PRDM6: variants seen among roughly 807,000 people sequenced by gnomAD.
The protein encoded by PRDM6 is putative histone-lysine N-methyltransferase PRDM6.
In PRDM6, 25 loss-of-function variants were observed where a neutral mutation model predicts 60.8. That is an observed-to-expected ratio of 0.41 (90% CI 0.30 to 0.57). The LOEUF is 0.57. PRDM6 is among the 20% of genes least tolerant of loss of function. The pLI is 0.27. For missense variants in PRDM6, 839 were observed against 821.3 expected, an observed-to-expected ratio of 1.02 and a Z score of -0.26; for synonymous variants, 407 against 357.4, an observed-to-expected ratio of 1.14 and a Z score of -1.57.
chr5:123,193,071 CTT>C lies in PRDM6; in HGVS notation c.*5872_*5873del, dbSNP rs570121164. 1.2e-3 allele frequency: 184 copies of C among 152,310 alleles called. 1 individual carries two copies. Among genetic ancestry groups the C allele is most frequent in the African/African-American group, 4.3e-3 (177 of 41,562 alleles). The allele number at this position is 152,310 out of a possible 1,614,324, so 9.4% of individuals were successfully genotyped here. A position where few individuals can be genotyped will look rare whatever the true frequency, so the allele number is the denominator to read the frequency against. ...ATCATGAACTGGCTTTATTACAACT[CTT>C]TACCGTGGTTTATTGAAACCACAAT... On this transcript the variant is annotated 3_prime_UTR_variant, in exon 8 of 8. Transcript: ENST00000407847.
In PRDM6 at chr5:123,155,933, C is replaced by T. The variant is rs1248301973; in HGVS notation, c.950C>T (p.Pro317Leu). Reference protein sequence around the residue: ...TLQHFIDGGEPSKSSWMRYIR... With the variant: ...TLQHFIDGGELSKSSWMRYIR... ...CAGCACTTTATTGATGGTGGGGAAC[C>T]TAGTAAGTCGAGCTGGATGAGGTAT... Residue 317 changes from proline to leucine, a missense_variant, in exon 4 of 8, where the codon CCT (proline) becomes CTT (leucine). Coordinates refer to ENST00000407847, the MANE Select transcript of PRDM6 (RefSeq NM_001136239.4). 1.9e-5 allele frequency: 30 copies of T among 1,551,472 alleles called. No homozygotes were observed. Among genetic ancestry groups the T allele is most frequent in the Non-Finnish European group, 2.4e-5 (28 of 1,146,914 alleles).
intron 3 of PRDM6, among the ~76,000 whole-genome samples, chr5:123,112,160 C>T (rs952236872): frequency 1.3e-5 from 2 of 151,290 alleles, no homozygotes; most frequent in African/African-American, 4.9e-5. Context: ...GGTGTACTTC[C>T]AGAGGAAGTG....
At position 123,142,784 on chromosome 5, in the gene PRDM6, T is replaced by C. The variant is rs142600223; in HGVS notation, c.901-13100T>C. Reference sequence around the variant, plus strand: ...AGGATTCTATTTCAGTTTGCTTTTCTAGCGATCCTGAAAATGTGGTCAGGG... The same window carrying C: ...AGGATTCTATTTCAGTTTGCTTTTCCAGCGATCCTGAAAATGTGGTCAGGG... On this transcript the variant is annotated intron_variant, in intron 3 of 7. Coordinates refer to ENST00000407847, the MANE Select transcript of PRDM6 (RefSeq NM_001136239.4). Among the ~76,000 whole-genome samples, 1,346 of 150,038 alleles carry C rather than the reference T, an allele frequency of 9.0e-3. 26 individuals carry two copies. The highest frequency in any genetic ancestry group is 0.031 in the African/African-American group (1,280 of 40,766).
intron 2 of PRDM6, among the ~76,000 whole-genome samples, chr5:123,092,236 T>C (rs577318042): frequency 6.6e-6 from 1 of 152,364 alleles, no homozygotes; most frequent in South Asian, 2.1e-4. Flanking sequence ...ATGTGTGTTT[T>C]TGAAGCAAGT....
At chr5:123,128,187 G>A (rs898629994) in intron 3 of PRDM6, among the ~76,000 whole-genome samples, 1 of 152,188 alleles carries the variant, frequency 6.6e-6, no homozygotes, top group Non-Finnish European at 1.5e-5. Flanking sequence ...ATTTGGGTTG[G>A]TTCCAAGTCT....
In PRDM6 at chr5:123,169,246, G is replaced by A. The variant is rs547630267; in HGVS notation, c.1154-1520G>A. Among the ~76,000 whole-genome samples the A allele has an allele frequency of 4.6e-5, 7 of 152,194 alleles. No homozygotes were observed. In the South Asian group the frequency reaches 8.3e-4, roughly 18 times the overall value. ...AAAGAAGAATTTTTAAGCCTATTAG[G>A]TTCTAATCACTTCTGGACCTATGAA... is the stretch of plus-strand genomic sequence containing the variant. On this transcript the variant is annotated intron_variant, in intron 5 of 7. Transcript: ENST00000407847.
chr5:123,148,703 A>G (rs2126867325), intron 3 of PRDM6, among the ~76,000 whole-genome samples: 1 of 152,286 alleles, frequency 6.6e-6, no homozygotes, highest in South Asian at 2.1e-4. Flanking sequence ...TTTTAATAAC[A>G]TTAATTCTCA....
At chr5:123,157,856 A>G (rs1365114689) in intron 4 of PRDM6, among the ~76,000 whole-genome samples, 2 of 152,244 alleles carry the variant, frequency 1.3e-5, no homozygotes, top group African/African-American at 4.8e-5. Context: ...GAGGCTGACA[A>G]TAATGTTTAT....
chr5:123,106,245 G>C (rs335142), intron 3 of PRDM6, among the ~76,000 whole-genome samples: 22,260 of 152,260 alleles, frequency 0.15, 2,018 homozygotes, highest in Non-Finnish European at 0.21. Flanking sequence ...CGGGCTTAGG[G>C]AAAGAGCATA....
intron 3 of PRDM6, among the ~76,000 whole-genome samples, chr5:123,152,653 G>A (rs1765395849): frequency 6.6e-6 from 1 of 152,196 alleles, no homozygotes; most frequent in African/African-American, 2.4e-5. Flanking sequence ...ATCATAAGCT[G>A]GCAGCCTTGG....
rs969850588 is a variant in PRDM6, at chr5:123,090,392, C to T, written c.378C>T (p.Ala126=). 1.4e-5 allele frequency: 20 copies of T among 1,461,510 alleles called. No individual in the cohort carries two copies. In the African/African-American group the frequency reaches 2.5e-4, roughly 18 times the overall value. 90.5% of individuals were successfully genotyped at this position (1,461,510 alleles called of 1,614,324 possible). ...TGTTCGCGCCTCTAGCCGCCGCTGC[C>T]GTCGCCGCCGAGCCGCTGCCCCCCA... ...LPVFAPLAAA[A]VAAEPLPPKE... Residue 126 remains alanine (A), a synonymous_variant, in exon 2 of 8, where the codon GCC becomes GCT. Coordinates refer to ENST00000407847, the MANE Select transcript of PRDM6 (RefSeq NM_001136239.4).
At chr5:123,164,591 C>T (rs972557292) in intron 5 of PRDM6, among the ~76,000 whole-genome samples, 8 of 152,126 alleles carry the variant, frequency 5.3e-5, no homozygotes, top group Non-Finnish European at 1.2e-4. Context: ...GAAGTCACTC[C>T]GCAGGGATGC....
chr5:123,102,390 A>G (rs1373867500), intron 3 of PRDM6, among the ~76,000 whole-genome samples: 1 of 152,158 alleles, frequency 6.6e-6, no homozygotes, highest in African/African-American at 2.4e-5. Flanking sequence ...TTATAATACA[A>G]TATTCCAAAT....
intron 4 of PRDM6, among the ~76,000 whole-genome samples, chr5:123,156,500 T>C (rs975658043): frequency 6.6e-6 from 1 of 152,180 alleles, no homozygotes; most frequent in Non-Finnish European, 1.5e-5. Flanking sequence ...ACCGTTAGAC[T>C]TAGTGGCAGT....
chr5:123,138,498 C>T lies in PRDM6; in HGVS notation c.901-17386C>T, dbSNP rs78497589. ...ACACAAAGGTAAAACCTATTTCACACAGCAACTATATTTTTGAAACATTAT... is the reference window on the plus strand; with the variant it reads ...ACACAAAGGTAAAACCTATTTCACATAGCAACTATATTTTTGAAACATTAT... On this transcript the variant is annotated intron_variant, in intron 3 of 7. Transcript: ENST00000407847. Among the ~76,000 whole-genome samples, 1,414 of 152,320 alleles carry T rather than the reference C, an allele frequency of 9.3e-3. 30 individuals carry two copies. Among genetic ancestry groups the T allele is most frequent in the African/African-American group, 0.032 (1,344 of 41,570 alleles).
At chr5:123,185,827 G>A (rs544838511) in intron 7 of PRDM6, among the ~76,000 whole-genome samples, 18 of 152,312 alleles carry the variant, frequency 1.2e-4, no homozygotes, top group African/African-American at 4.3e-4. Flanking sequence ...ATAATTTACT[G>A]AAGAGGAGAA....
At chr5:123,178,515 T>G (rs1322683179) in intron 6 of PRDM6, among the ~76,000 whole-genome samples, 2 of 152,258 alleles carry the variant, frequency 1.3e-5, no homozygotes, top group African/African-American at 2.4e-5. Flanking sequence ...GATTATTTTA[T>G]GATTATAATA....
At chr5:123,156,626 G>C (rs1489806355) in intron 4 of PRDM6, among the ~76,000 whole-genome samples, 3 of 152,148 alleles carry the variant, frequency 2.0e-5, no homozygotes, top group Non-Finnish European at 2.9e-5. Flanking sequence ...AGAAGCCCCT[G>C]GTTTCCTGAA....
intron 3 of PRDM6, among the ~76,000 whole-genome samples, chr5:123,121,041 A>G (rs1764568380): frequency 6.6e-6 from 1 of 152,196 alleles, no homozygotes. Flanking sequence ...GATGTTTATA[A>G]ATGTTAACTC....
Sources: gnomAD v4.1 joint callset for allele counts (sites outside exome capture counted in the v4.1 genomes callset) on GRCh38, gnomAD v4.1.1 for gene constraint, MANE v1.5 for transcripts, NCBI Gene and HGNC (gene_info 2026-07-23, HGNC 2026-07-21) for gene names.